The following MT3 variants were observed in gnomAD, a reference collection of about 807,000 sequenced individuals.
The protein encoded by MT3 is metallothionein 3, also known as metallothionein-3.
In MT3, 8 loss-of-function variants were observed where a neutral mutation model predicts 10.9. The ratio of observed to expected loss-of-function variants is 0.73; its 90% CI spans 0.43 to 1.33. MT3 has a LOEUF of 1.33. Among genes scored for constraint, MT3 ranks in the 40% most tolerant of loss-of-function variants. The pLI is 0.01. For missense variants in MT3, 75 were observed against 83.9 expected (o/e 0.89, Z 0.41); for synonymous variants, 32 against 29.9 (o/e 1.07, Z -0.23).
rs760137007 is a variant in MT3, at chr16:56,589,532, C to T, written c.-59C>T. The stretch of plus-strand genomic sequence containing the variant: ...CGCCACCTGCTGCCACTAGCCAAGC[C>T]GCGCGTCCAGTTGCTTGGAGAAGCC... On this transcript the variant is annotated 5_prime_UTR_variant, in exon 1 of 3. Transcript: ENST00000200691. The T allele has an allele frequency of 1.3e-5, 19 of 1,516,106 alleles. No homozygotes were observed. In the East Asian group the frequency reaches 3.5e-4, roughly 28 times the overall value. The allele number at this position is 1,516,106 out of a possible 1,614,324, so 93.9% of individuals were successfully genotyped here. A position where few individuals can be genotyped will look rare whatever the true frequency, so the allele number is the denominator to read the frequency against.
rs145772442 is a variant in MT3, at chr16:56,591,038, C to T, written c.*89C>T. The T allele has an allele frequency of 3.4e-5, 36 of 1,050,448 alleles. No individual in the cohort carries two copies. In the African/African-American group the frequency reaches 5.5e-4, roughly 16 times the overall value. 65.1% of individuals were successfully genotyped at this position (1,050,448 alleles called of 1,614,324 possible). ...TGTGGTGAAGTGTGGCTGGTGTCCC[C>T]TTCCCCTGCTGACCTTGGAGGAATG... On this transcript the variant is annotated 3_prime_UTR_variant, in exon 3 of 3. Coordinates refer to ENST00000200691, the MANE Select transcript of MT3 (RefSeq NM_005954.4).
Position 56,589,706 on chromosome 16 carries a change from G to A in MT3, c.31+85G>A, listed in dbSNP as rs760401231. 4 of 1,596,430 alleles carry A rather than the reference G, an allele frequency of 2.5e-6. No homozygotes were observed. In the South Asian group the frequency reaches 3.3e-5, roughly 13 times the overall value. On this transcript the variant is annotated intron_variant, in intron 1 of 2. Coordinates refer to ENST00000200691, the MANE Select transcript of MT3 (RefSeq NM_005954.4). ...CCCACGCCCTGCGCCTTCGCTCAAG[G>A]ACACTTGGGGGAAGGGCCCCTGATT...
At position 56,589,609 on chromosome 16, in the gene MT3, C is replaced by G; in HGVS notation, c.19C>G (p.Pro7Ala). 6.2e-7 allele frequency: 1 copy of G among 1,604,494 alleles called. No homozygotes were observed. The highest frequency in any genetic ancestry group is 1.7e-5 in the Admixed American group (1 of 59,704). MDPETC[P>A]CPSGGSCTCA... ...CCTCGACATGGACCCTGAGACCTGC[C>G]CCTGCCCTTCTGGTGAGCCCCCGCC... Residue 7 changes from proline (P) to alanine (A), a missense_variant, in exon 1 of 3, where the codon CCC (proline) becomes GCC (alanine). Transcript: ENST00000200691.
At position 56,589,588 on chromosome 16, in the gene MT3, G is replaced by T; in HGVS notation, c.-3G>T. On this transcript the variant is annotated 5_prime_UTR_variant, in exon 1 of 3. Transcript: ENST00000200691. ...ACCGCCTCCAGCTGCTGCTCTCCTCGACATGGACCCTGAGACCTGCCCCTG... is the reference window on the plus strand; with the variant it reads ...ACCGCCTCCAGCTGCTGCTCTCCTCTACATGGACCCTGAGACCTGCCCCTG... 1 of 1,584,690 alleles carries T rather than the reference G, an allele frequency of 6.3e-7. No homozygotes were observed.
rs554920606 is a variant in MT3, at chr16:56,589,916, A to C, written c.78A>C (p.Lys26Asn). 450 of 1,613,944 alleles carry C rather than the reference A, an allele frequency of 2.8e-4. 6 individuals are homozygous for C. In the South Asian group the frequency reaches 4.7e-3, roughly 17 times the overall value. ...ACTCCTGCAAGTGCGAGGGATGCAA[A>C]TGCACCTCCTGCAAGAAGAGTGAGT... ...CADSCKCEGC[K>N]CTSCKKSCCS... Residue 26 changes from lysine (K) to asparagine (N), a missense_variant, in exon 2 of 3, where the codon AAA (lysine) becomes AAC (asparagine). Coordinates refer to ENST00000200691, the MANE Select transcript of MT3 (RefSeq NM_005954.4).
In MT3 at chr16:56,589,904, C is replaced by G; in HGVS notation, c.66C>G (p.Cys22Trp). Residue 22 changes from cysteine to tryptophan, a missense_variant, in exon 2 of 3, where the codon TGC (cysteine) becomes TGG (tryptophan). Transcript: ENST00000200691. ...GSCTCADSCK[C>W]EGCKCTSCKK... ...GCACCTGCGCGGACTCCTGCAAGTG[C>G]GAGGGATGCAAATGCACCTCCTGCA... 6.2e-7 allele frequency: 1 copy of G among 1,614,100 alleles called. No individual in the cohort carries two copies. The highest frequency in any genetic ancestry group is 8.5e-7 in the Non-Finnish European group (1 of 1,180,030).
chr16:56,590,057 A>C (rs1372826908), intron 2 of MT3, 122 bp downstream of exon 2: 1 of 1,011,014 alleles, frequency 9.9e-7, no homozygotes, highest in Admixed American at 1.9e-5. Flanking sequence ...CTCTTGCTGG[A>C]ATAGAACCAC....
Position 56,590,401 on chromosome 16 carries a change from C to G in MT3, c.98-439C>G, listed in dbSNP as rs190292157. ...GAGGTGGGAGGAAGGCTCCCTTCTT[C>G]CCTAGGTATGAAACCAGGCACAGGT... On this transcript the variant is annotated intron_variant, in intron 2 of 2. Coordinates refer to ENST00000200691, the MANE Select transcript of MT3 (RefSeq NM_005954.4). 5.3e-3 allele frequency: 2,632 copies of G among 494,146 alleles called. 15 individuals are homozygous for G. The highest frequency in any genetic ancestry group is 8.5e-3 in the South Asian group (315 of 37,042). 30.6% of individuals were successfully genotyped at this position (494,146 alleles called of 1,614,324 possible). A position where few individuals can be genotyped will look rare whatever the true frequency, so the allele number is the denominator to read the frequency against.
chr16:56,590,954 G>A lies in MT3; in HGVS notation c.*5G>A, dbSNP rs199840778. On this transcript the variant is annotated 3_prime_UTR_variant, in exon 3 of 3. Transcript: ENST00000200691. ...AAGTGCAGCTGCTGCCAGTGAGAAG[G>A]CACCCCTCCGTGTGGAGCACGTGGA... 1.7e-5 allele frequency: 27 copies of A among 1,611,588 alleles called. No homozygotes were observed. The highest frequency in any genetic ancestry group is 2.3e-5 in the Non-Finnish European group (27 of 1,178,856).
rs754857599 is a variant in MT3, at chr16:56,589,632, G to A, written c.31+11G>A. 18 of 1,604,882 alleles carry A rather than the reference G, an allele frequency of 1.1e-5. No homozygotes were observed. In the Admixed American group the frequency reaches 2.7e-4, roughly 24 times the overall value. ...GCCCCTGCCCTTCTGGTGAGCCCCCGCCCCCGCTCGCATCCTGCGCACTGC... is the reference window on the plus strand; with the variant it reads ...GCCCCTGCCCTTCTGGTGAGCCCCCACCCCCGCTCGCATCCTGCGCACTGC... On this transcript the variant is annotated intron_variant, in intron 1 of 2. Transcript: ENST00000200691.
chr16:56,590,957 CCCCT>C lies in MT3; in HGVS notation c.*11_*14del. On this transcript the variant is annotated 3_prime_UTR_variant, in exon 3 of 3. Coordinates refer to ENST00000200691, the MANE Select transcript of MT3 (RefSeq NM_005954.4). The stretch of plus-strand genomic sequence containing the variant: ...TGCAGCTGCTGCCAGTGAGAAGGCA[CCCCT>C]CCGTGTGGAGCACGTGGAGATAGTG... 6.2e-7 allele frequency: 1 copy of C among 1,610,844 alleles called. No homozygotes were observed. The highest frequency in any genetic ancestry group is 8.5e-7 in the Non-Finnish European group (1 of 1,178,402).
Position 56,589,559 on chromosome 16 carries a change from G to T in MT3, c.-32G>T. 6.5e-7 allele frequency: 1 copy of T among 1,547,918 alleles called. No homozygotes were observed. On this transcript the variant is annotated 5_prime_UTR_variant, in exon 1 of 3. Transcript: ENST00000200691. ...CGCGTCCAGTTGCTTGGAGAAGCCC[G>T]TTCACCGCCTCCAGCTGCTGCTCTC...
In MT3 at chr16:56,591,085, A is replaced by G. The variant is rs112319740; in HGVS notation, c.*136A>G. 2.6e-4 allele frequency: 189 copies of G among 721,620 alleles called. No individual in the cohort carries two copies. The highest frequency in any genetic ancestry group is 2.6e-5 in the Non-Finnish European group (11 of 417,658). 44.7% of individuals were successfully genotyped at this position (721,620 alleles called of 1,614,324 possible). ...AATGACAATAAATCCCATGAACAGCATGAGCCAAGGACTGGTCTCTTCTTA... is the reference window on the plus strand; with the variant it reads ...AATGACAATAAATCCCATGAACAGCGTGAGCCAAGGACTGGTCTCTTCTTA... On this transcript the variant is annotated 3_prime_UTR_variant, in exon 3 of 3. Transcript: ENST00000200691.
At chr16:56,589,965 C>T (rs776778401) in intron 2 of MT3, 30 bp downstream of exon 2, 2 of 1,611,334 alleles carry the variant, frequency 1.2e-6, no homozygotes, top group Non-Finnish European at 8.5e-7. Context: ...CCCTCTGCCG[C>T]CGCCCCCTCT....
rs762450778 is a variant in MT3, at chr16:56,589,919, C to T, written c.81C>T (p.Cys27=). The change falls in exon 2 of 3, where the codon TGC becomes TGT. Residue 27 remains cysteine, a synonymous_variant. Coordinates refer to ENST00000200691, the MANE Select transcript of MT3 (RefSeq NM_005954.4). The part of the protein sequence containing the change: ...ADSCKCEGCK[C]TSCKKSCCSC... ...CCTGCAAGTGCGAGGGATGCAAATG[C>T]ACCTCCTGCAAGAAGAGTGAGTGCG... The T allele has an allele frequency of 4.3e-6, 7 of 1,614,108 alleles. No individual in the cohort carries two copies. In the East Asian group the frequency reaches 1.3e-4, roughly 31 times the overall value.
intron 2 of MT3, 42 bp from the exon 3 acceptor site, chr16:56,590,798 G>A (rs759819052): frequency 1.3e-6 from 2 of 1,581,998 alleles, no homozygotes; most frequent in Admixed American, 1.8e-5. Context: ...CGAATTGGGG[G>A]AGTGTGCATC....
At chr16:56,589,698 C>A (rs1376837929) in intron 1 of MT3, 77 bp downstream of exon 1, 6 of 1,600,530 alleles carry the variant, frequency 3.7e-6, no homozygotes, top group Admixed American at 3.3e-5. Context: ...CCTGCGCCTT[C>A]GCTCAAGGAC....
intron 2 of MT3, chr16:56,590,365 A>T (rs1209979702): frequency 3.7e-6 from 2 of 545,338 alleles, no homozygotes; most frequent in Non-Finnish European, 6.5e-6. Context: ...TGTAATATGC[A>T]TAGGGAGTAA....
intron 2 of MT3, chr16:56,590,371 A>G (rs1236107133): frequency 3.8e-6 from 2 of 530,406 alleles, no homozygotes; most frequent in Non-Finnish European, 3.4e-6. Context: ...ATGCATAGGG[A>G]GTAAGAGGTG....
Sources: gnomAD v4.1 joint callset for allele counts on GRCh38, gnomAD v4.1.1 for gene constraint, MANE v1.5 for transcripts, NCBI Gene and HGNC (gene_info 2026-07-23, HGNC 2026-07-21) for gene names.